POU1F1: variants seen among roughly 807,000 people sequenced by gnomAD.
The protein encoded by POU1F1 is pituitary-specific positive transcription factor 1.
In POU1F1, 23 loss-of-function variants were observed where a neutral mutation model predicts 32.3. That is an observed-to-expected ratio of 0.71 (90% CI 0.51 to 1.01). The LOEUF (loss-of-function observed/expected upper bound fraction) is 1.01. Ranked by LOEUF, POU1F1 falls within the 50% of genes least tolerant of loss-of-function variation. POU1F1 has a pLI of 0.00. For missense variants in POU1F1, 323 were observed against 341.6 expected, an observed-to-expected ratio of 0.95 and a Z score of 0.43; for synonymous variants, 120 against 115.6, an observed-to-expected ratio of 1.04 and a Z score of -0.25.
chr3:87,260,056 T>G lies in POU1F1; in HGVS notation c.714A>C (p.Lys238Asn), dbSNP rs762334396. The G allele has an allele frequency of 3.7e-6, 6 of 1,614,064 alleles. No individual in the cohort carries two copies. In the East Asian group the frequency reaches 1.1e-4, roughly 30 times the overall value. The change falls in exon 6 of 6, where the codon AAA becomes AAC. Residue 238 changes from lysine to asparagine, a missense_variant. Lys to Asn is a moderately conservative substitution (Grantham distance 94). Coordinates refer to ENST00000350375, the MANE Select transcript of POU1F1 (RefSeq NM_000306.4). ...ALERHFGEQNKPSSQEIMRMA... is the reference protein window; with the variant it reads ...ALERHFGEQNNPSSQEIMRMA... Reference sequence around the variant, plus strand: ...TCCTCATGATCTCTTGAGAAGAAGGTTTATTCTGTTCTCCAAAGTGTCTCT... The same window carrying G: ...TCCTCATGATCTCTTGAGAAGAAGGGTTATTCTGTTCTCCAAAGTGTCTCT...
chr3:87,260,916 A>G (rs1200971622), intron 5 of POU1F1, among the ~76,000 whole-genome samples: 1 of 130,102 alleles, frequency 7.7e-6, no homozygotes, highest in Middle Eastern at 3.6e-3. Context: ...TTATTTATTT[A>G]TTTATTTATT....
rs886058915 is a variant in POU1F1 at position 87,276,567 on chromosome 3, A to G, written c.-105T>C. On this transcript the variant is annotated 5_prime_UTR_variant, in exon 1 of 6. Coordinates refer to ENST00000350375, the MANE Select transcript of POU1F1 (RefSeq NM_000306.4). ...GATTCAATTCTCACTACCTGCATAT[A>G]TACATCAGGAAGGCTCTGAGGCACC... is the stretch of plus-strand genomic sequence containing the variant. 8 of 1,342,014 alleles carry G rather than the reference A, an allele frequency of 6.0e-6. No homozygotes were observed. The highest frequency in any genetic ancestry group is 5.0e-5 in the South Asian group (4 of 79,748). 83.1% of individuals were successfully genotyped at this position (1,342,014 alleles called of 1,614,324 possible).
At position 87,259,737 on chromosome 3, in the gene POU1F1, T is replaced by C. The variant is rs1222865871; in HGVS notation, c.*157A>G. 1.5e-6 allele frequency: 1 copy of C among 650,010 alleles called. No individual in the cohort carries two copies. Among genetic ancestry groups the C allele is most frequent in the Non-Finnish European group, 2.6e-6 (1 of 382,270 alleles). 40.3% of individuals were successfully genotyped at this position (650,010 alleles called of 1,614,324 possible). A position where few individuals can be genotyped will look rare whatever the true frequency, so the allele number is the denominator to read the frequency against. ...TAAATAACATCAATATAATTTAAAT[T>C]GTTGGTTTCTTTTTTTTAAAAAAAA... On this transcript the variant is annotated 3_prime_UTR_variant, in exon 6 of 6. Coordinates refer to ENST00000350375, the MANE Select transcript of POU1F1 (RefSeq NM_000306.4).
At chr3:87,270,749 G>T (rs1706707655) in intron 2 of POU1F1, among the ~76,000 whole-genome samples, 1 of 151,932 alleles carries the variant, frequency 6.6e-6, no homozygotes, top group Admixed American at 6.6e-5. Flanking sequence ...TTTCTATTGT[G>T]TACTTTATAC....
chr3:87,268,181 C>A (rs1471829117), intron 2 of POU1F1, among the ~76,000 whole-genome samples: 1 of 147,550 alleles, frequency 6.8e-6, no homozygotes, highest in Admixed American at 7.0e-5. Flanking sequence ...TAGCTTCAAG[C>A]AATTCTCCTG....
chr3:87,264,156 G>A (rs908731051), intron 3 of POU1F1, 132 bp downstream of exon 3: 2 of 733,208 alleles, frequency 2.7e-6, no homozygotes, highest in Non-Finnish European at 4.6e-6. Context: ...TTTCCATAAC[G>A]ACTAACTACG....
intron 2 of POU1F1, among the ~76,000 whole-genome samples, chr3:87,271,845 A>G (rs373303800): frequency 2.0e-4 from 31 of 152,242 alleles, no homozygotes; most frequent in East Asian, 1.9e-3. Flanking sequence ...ATTGTTAAGA[A>G]CACCAGTCTT....
intron 2 of POU1F1, among the ~76,000 whole-genome samples, chr3:87,271,875 G>A (rs1000838866): frequency 2.6e-5 from 4 of 152,056 alleles, no homozygotes; most frequent in Non-Finnish European, 5.9e-5. Flanking sequence ...ATAAATGTTA[G>A]GATACTGGTT....
intron 5 of POU1F1, among the ~76,000 whole-genome samples, chr3:87,260,545 A>G (rs1249080233): frequency 1.3e-5 from 2 of 152,214 alleles, no homozygotes; most frequent in Admixed American, 1.3e-4. Context: ...TCTCACAGAA[A>G]CTACAAAAAG....
intron 2 of POU1F1, among the ~76,000 whole-genome samples, chr3:87,272,598 T>C (rs1295949383): frequency 6.6e-6 from 1 of 152,210 alleles, no homozygotes; most frequent in Non-Finnish European, 1.5e-5. Context: ...CCTCAAAAAC[T>C]GTGCTTCAAT....
intron 2 of POU1F1, among the ~76,000 whole-genome samples, chr3:87,268,795 T>G (rs1385292065): frequency 6.6e-6 from 1 of 152,146 alleles, no homozygotes; most frequent in Non-Finnish European, 1.5e-5. Context: ...ATTTTCACAT[T>G]GAAGATTAAT....
rs1431805844 is a variant in POU1F1, at chr3:87,273,623, T to C, written c.143-205A>G. 20 of 898,346 alleles carry C rather than the reference T, an allele frequency of 2.2e-5. No homozygotes were observed. In the South Asian group the frequency reaches 3.4e-4, roughly 15 times the overall value. 55.6% of individuals were successfully genotyped at this position (898,346 alleles called of 1,614,324 possible). A position where few individuals can be genotyped will look rare whatever the true frequency, so the allele number is the denominator to read the frequency against. On this transcript the variant is annotated intron_variant, in intron 1 of 5. Transcript: ENST00000350375. ...TTGGGTAAGTTCTCTGACGAGTAGG[T>C]TAAAACTAGGGGGGATCAAAGTTTG...
intron 2 of POU1F1, among the ~76,000 whole-genome samples, chr3:87,265,870 T>A (rs572881915): frequency 1.4e-3 from 208 of 151,984 alleles, no homozygotes; most frequent in African/African-American, 4.4e-3. Context: ...CTGGAACCAA[T>A]GTGCCACATA....
At chr3:87,269,058 C>T (rs867887569) in intron 2 of POU1F1, among the ~76,000 whole-genome samples, 1 of 152,198 alleles carries the variant, frequency 6.6e-6, no homozygotes, top group African/African-American at 2.4e-5. Flanking sequence ...TAGTAAAATA[C>T]GCCACCCTGC....
chr3:87,276,289 G>A (rs756952125), intron 1 of POU1F1, 32 bp downstream of exon 1: 25 of 1,607,538 alleles, frequency 1.6e-5, no homozygotes, highest in East Asian at 2.2e-5. Flanking sequence ...ATTTAGGCCC[G>A]GTCATATGTA....
intron 1 of POU1F1, among the ~76,000 whole-genome samples, chr3:87,275,345 G>T (rs996955984): frequency 6.6e-6 from 1 of 151,860 alleles, no homozygotes; most frequent in African/African-American, 2.4e-5. Flanking sequence ...CCAAACTTAC[G>T]CATGTATTTA....
At chr3:87,273,483 C>CA (rs1559618863) in intron 1 of POU1F1, 65 bp from the exon 2 acceptor site, 1 of 1,604,758 alleles carries the variant, frequency 6.2e-7, no homozygotes, top group East Asian at 2.2e-5. Flanking sequence ...GGATCAAAGA[C>CA]AAAATAGATG....
At position 87,259,777 on chromosome 3, in the gene POU1F1, C is replaced by A; in HGVS notation, c.*117G>T. 3.7e-6 allele frequency: 3 copies of A among 817,326 alleles called. No individual in the cohort carries two copies. Among genetic ancestry groups the A allele is most frequent in the South Asian group, 3.3e-5 (2 of 60,130 alleles). 50.6% of individuals were successfully genotyped at this position (817,326 alleles called of 1,614,324 possible). ...TTTAAAAAAAAGTGGAAAAGTAAAG[C>A]TTCTGTAAAAGCTATTGATATAAAA... On this transcript the variant is annotated 3_prime_UTR_variant, in exon 6 of 6. Coordinates refer to ENST00000350375, the MANE Select transcript of POU1F1 (RefSeq NM_000306.4).
At chr3:87,276,262 A>G (rs1706823110) in intron 1 of POU1F1, 59 bp downstream of exon 1, 1 of 1,557,730 alleles carries the variant, frequency 6.4e-7, no homozygotes, top group Non-Finnish European at 8.9e-7. Flanking sequence ...CAAGATTCAA[A>G]GCATTCATTC....
Sources: allele counts gnomAD v4.1 joint callset (sites outside exome capture counted in the v4.1 genomes callset), GRCh38; gene constraint gnomAD v4.1.1; transcripts MANE v1.5; gene names NCBI Gene and HGNC (gene_info 2026-07-23, HGNC 2026-07-21).